Variants in RBM39 observed in about 807,000 individuals in gnomAD.
RBM39 encodes RNA-binding protein 39.
In RBM39, 12 loss-of-function variants were observed where a neutral mutation model predicts 79.6. The observed-to-expected ratio is 0.15, with a 90% CI of 0.10 to 0.24. RBM39 has a LOEUF of 0.24. Ranked by LOEUF, RBM39 falls within the 10% of genes least tolerant of loss-of-function variation. The pLI, the probability that RBM39 is intolerant of heterozygous loss-of-function variation, is 1.00. For synonymous variants in RBM39, 185 were observed against 208.4 expected, an observed-to-expected ratio of 0.89 and a Z score of 0.97; for missense variants, 243 against 653.4, an observed-to-expected ratio of 0.37 and a Z score of 6.85.
chr20:35,708,244 G>C (rs17343651), intron 13 of RBM39, among the ~76,000 whole-genome samples: 3,187 of 151,858 alleles, frequency 0.021, 65 homozygotes, highest in South Asian at 0.1. Flanking sequence ...AAAGATTCGA[G>C]AGTGTATTAT....
chr20:35,740,805 C>T lies in RBM39; in HGVS notation c.51+19G>A. 1 of 1,601,780 alleles carries T rather than the reference C, an allele frequency of 6.2e-7. No individual in the cohort carries two copies. The highest frequency in any genetic ancestry group is 8.5e-7 in the Non-Finnish European group (1 of 1,171,604). The stretch of plus-strand genomic sequence containing the variant: ...TAAATTAAGAAATATATAAACCTCA[C>T]CGACATGTTTTTTCTCACCTTCTTG... On this transcript the variant is annotated intron_variant, in intron 2 of 16. Transcript: ENST00000253363.
chr20:35,721,094 A>T (rs2425098), intron 9 of RBM39, among the ~76,000 whole-genome samples: 7,088 of 151,976 alleles, frequency 0.047, 210 homozygotes, highest in African/African-American at 0.085. Context: ...AGACGCACCA[A>T]CACGCCCAGC....
rs1001808041 is a variant in RBM39 at position 35,736,683 on chromosome 20, GCT to G, written c.101+2283_101+2284del. The G allele has an allele frequency of 8.2e-5, 36 of 436,610 alleles. No individual in the cohort carries two copies. In the East Asian group the frequency reaches 1.1e-3, roughly 13 times the overall value. 27.0% of individuals were successfully genotyped at this position (436,610 alleles called of 1,614,324 possible). The stretch of plus-strand genomic sequence containing the variant: ...TTATGTTTGTTTGAGACGGAGTCTC[GCT>G]CTGTCTCCAGGCTGGAGTACAATGG... On this transcript the variant is annotated intron_variant, in intron 3 of 16. Transcript: ENST00000253363.
At chr20:35,734,712 CCAGGCAGGTAAAAAGA>C in intron 3 of RBM39, 1 of 904,476 alleles carries the variant, frequency 1.1e-6, no homozygotes, top group Non-Finnish European at 1.5e-6. Flanking sequence ...GAAGGCAACC[CCAGGCAGGTAAAAAGA>C]CAGCAACATA....
intron 6 of RBM39, among the ~76,000 whole-genome samples, chr20:35,726,965 C>T (rs1250205897): frequency 1.3e-5 from 2 of 151,690 alleles, no homozygotes; most frequent in East Asian, 3.9e-4. Flanking sequence ...ACTGGGATTA[C>T]ACGCACGCGC....
chr20:35,704,268 A>G lies in RBM39; in HGVS notation c.*213T>C, dbSNP rs111927807. 5.1e-6 allele frequency: 2 copies of G among 392,960 alleles called. No homozygotes were observed. The highest frequency in any genetic ancestry group is 7.1e-4 in the Middle Eastern group (1 of 1,402). 24.3% of individuals were successfully genotyped at this position (392,960 alleles called of 1,614,324 possible). On this transcript the variant is annotated 3_prime_UTR_variant, in exon 17 of 17. Coordinates refer to ENST00000253363, the MANE Select transcript of RBM39 (RefSeq NM_184234.3). ...ACATGAACATTTTAAAAGGCAGAAC[A>G]AGAGAACAGTTTTGTATACAGTGGG...
intron 2 of RBM39, chr20:35,739,919 C>T (rs2040345681): frequency 6.1e-6 from 1 of 163,506 alleles, no homozygotes; most frequent in African/African-American, 2.4e-5. Context: ...ACTTACAAAG[C>T]TTACAGTTTG....
intron 6 of RBM39, among the ~76,000 whole-genome samples, chr20:35,725,424 T>C (rs957381615): frequency 3.9e-5 from 6 of 152,112 alleles, no homozygotes; most frequent in Non-Finnish European, 7.4e-5. Flanking sequence ...GGTCTTGAAC[T>C]ACTGATCTCA....
chr20:35,727,413 A>C (rs1569046216), intron 6 of RBM39, among the ~76,000 whole-genome samples: 2 of 151,766 alleles, frequency 1.3e-5, no homozygotes, highest in South Asian at 2.1e-4. Flanking sequence ...AAAAAAAAAA[A>C]AAACACCCAC....
chr20:35,707,826 A>C, intron 13 of RBM39: 2 of 445,504 alleles, frequency 4.5e-6, no homozygotes, highest in Non-Finnish European at 4.6e-6. Flanking sequence ...TGTAATATCC[A>C]CTACTACCAA....
intron 2 of RBM39, 55 bp downstream of exon 2, chr20:35,740,769 G>C: frequency 1.3e-6 from 2 of 1,538,118 alleles, no homozygotes; most frequent in Non-Finnish European, 8.9e-7. Flanking sequence ...CAGTAGTTTC[G>C]TGAATAATGC....
chr20:35,708,705 T>C (rs2036048944), intron 13 of RBM39: 2 of 152,416 alleles, frequency 1.3e-5, no homozygotes, highest in South Asian at 4.1e-4. Context: ...GCCTACTTAA[T>C]GAATGGTTTC....
intron 12 of RBM39, among the ~76,000 whole-genome samples, chr20:35,712,608 CTA>C (rs759919109): frequency 1.4e-4 from 22 of 151,832 alleles, no homozygotes; most frequent in Non-Finnish European, 3.2e-4. Context: ...TTTTTATGTA[CTA>C]TAAAGAAAAA....
intron 15 of RBM39, 115 bp from the exon 16 acceptor site, chr20:35,704,861 A>AC (rs767116846): frequency 3.2e-5 from 26 of 807,468 alleles, no homozygotes; most frequent in Non-Finnish European, 4.6e-5. Flanking sequence ...AAACTGGTTT[A>AC]CCATAATGGT....
Position 35,716,814 on chromosome 20 carries a change from G to C in RBM39, c.826-9C>G. ...AGCTGGATACTTTCAATCTATAATT[G>C]AAAAGCATAATTACTATAACTTAAA... On this transcript the variant is annotated splice_polypyrimidine_tract_variant and intron_variant, in intron 9 of 16. Transcript: ENST00000253363. The C allele has an allele frequency of 6.3e-7, 1 of 1,584,452 alleles. No individual in the cohort carries two copies. The highest frequency in any genetic ancestry group is 1.4e-5 in the African/African-American group (1 of 74,062).
At chr20:35,715,153 CTA>C (rs2036951081) in intron 10 of RBM39, among the ~76,000 whole-genome samples, 1 of 152,062 alleles carries the variant, frequency 6.6e-6, no homozygotes, top group East Asian at 1.9e-4. Flanking sequence ...TTTAAAAATA[CTA>C]TGTTTCCAGG....
In RBM39 at chr20:35,724,597, G is replaced by A. The variant is rs201991978; in HGVS notation, c.660C>T (p.Gly220=). 1.1e-5 allele frequency: 18 copies of A among 1,613,998 alleles called. No individual in the cohort carries two copies. In the East Asian group the frequency reaches 2.7e-4, roughly 24 times the overall value. Residue 220 remains glycine (G), a synonymous_variant, in exon 8 of 17, where the codon GGC becomes GGT. Transcript: ENST00000253363. ...AIGLTGQRVL[G]VPIIVQASQA... ...GTGATGCCTGTACTATGATTGGCAC[G>A]CCTAAAACTCGTTGGCCAGTTAATC... is the stretch of plus-strand genomic sequence containing the variant.
chr20:35,704,549 G>A lies in RBM39; in HGVS notation c.1525C>T (p.Pro509Ser). The part of the protein sequence containing the change: ...KMITAAYVPL[P>S]TYHNLFPDSM... The stretch of plus-strand genomic sequence containing the variant: ...TCAGGAAACAGGTTGTGGTAAGTTG[G>A]AAGAGGTACATATGCTGCTGTTATC... Residue 509 changes from proline to serine, a missense_variant, in exon 17 of 17, where the codon CCA becomes TCA. Pro to Ser is a moderately conservative substitution (Grantham distance 74). Coordinates refer to ENST00000253363, the MANE Select transcript of RBM39 (RefSeq NM_184234.3). The A allele has an allele frequency of 6.2e-7, 1 of 1,613,670 alleles. No individual in the cohort carries two copies.
chr20:35,741,225 G>A (rs1356579117), intron 1 of RBM39, among the ~76,000 whole-genome samples: 1 of 150,470 alleles, frequency 6.6e-6, no homozygotes, highest in Non-Finnish European at 1.5e-5. Flanking sequence ...GTAGAGACGG[G>A]GTTTCACCAT....
Sources: gnomAD v4.1 joint callset for allele counts (sites outside exome capture counted in the v4.1 genomes callset) on GRCh38, gnomAD v4.1.1 for gene constraint, MANE v1.5 for transcripts, NCBI Gene and HGNC (gene_info 2026-07-23, HGNC 2026-07-21) for gene names.